Variants in ETS1 observed in about 807,000 individuals in gnomAD.
The protein encoded by ETS1 is ETS proto-oncogene 1, transcription factor.
ETS1 carries 15 observed loss-of-function variants against 58.6 expected under a neutral mutation model. That is an observed-to-expected ratio of 0.26 (90% CI 0.17 to 0.39). ETS1 has a LOEUF of 0.39. Ranked by LOEUF, ETS1 falls within the 10% of genes least tolerant of loss-of-function variation. The probability of loss-of-function intolerance (pLI) is 1.00; values close to 1 mark genes in which losing one functional copy is unlikely to be tolerated. For synonymous variants in ETS1, 214 were observed against 218.2 expected (o/e 0.98, Z 0.17); for missense variants, 417 against 610.5 (o/e 0.68, Z 3.34).
intron 2 of ETS1, among the ~76,000 whole-genome samples, chr11:128,572,739 C>A (rs4936058): frequency 0.88 from 133,751 of 152,272 alleles, 59,031 homozygotes; most frequent in African/African-American, 0.96. Flanking sequence ...AATAAGGTAC[C>A]TCAATATGTA....
intron 5 of ETS1, among the ~76,000 whole-genome samples, chr11:128,488,969 G>A (rs1449899145): frequency 1.3e-5 from 2 of 152,190 alleles, no homozygotes; most frequent in Non-Finnish European, 2.9e-5. Flanking sequence ...TCTTGGGTTG[G>A]CTGTGGGCAC....
intron 3 of ETS1, among the ~76,000 whole-genome samples, chr11:128,541,850 T>G (rs377545485): frequency 3.9e-5 from 6 of 152,298 alleles, no homozygotes; most frequent in East Asian, 3.9e-4. Context: ...GGTGCAATGA[T>G]CTCTACAATA....
chr11:128,570,889 T>A (rs2135577591), intron 2 of ETS1, among the ~76,000 whole-genome samples: 1 of 152,338 alleles, frequency 6.6e-6, no homozygotes, highest in Admixed American at 6.5e-5. Context: ...ACTTGTCGTG[T>A]AGTGGAGTGT....
chr11:128,585,011 G>GGAAA (rs200307200), intron 1 of ETS1, among the ~76,000 whole-genome samples: 400 of 19,876 alleles, frequency 0.02, 100 homozygotes, highest in African/African-American at 0.14. Flanking sequence ...AGGAAAGAAA[G>GGAAA]GAAAGAAAGA....
At chr11:128,467,540 C>T (rs11221318) in intron 8 of ETS1, among the ~76,000 whole-genome samples, 52,996 of 151,994 alleles carry the variant, frequency 0.35, 10,337 homozygotes, top group Admixed American at 0.52. Context: ...CCTCCATTCC[C>T]CCTGCAACTC....
chr11:128,539,027 C>T (rs1382839425), intron 3 of ETS1, among the ~76,000 whole-genome samples: 1 of 152,138 alleles, frequency 6.6e-6, no homozygotes, highest in African/African-American at 2.4e-5. Context: ...AGAAACTAGA[C>T]CTTTGTGCAT....
chr11:128,552,526 G>GC (rs1426576289), intron 3 of ETS1, among the ~76,000 whole-genome samples: 9 of 152,296 alleles, frequency 5.9e-5, no homozygotes, highest in African/African-American at 1.9e-4. Context: ...AGTGTACTTT[G>GC]CTCACAACAT....
chr11:128,574,504 AG>A (rs550372891), intron 1 of ETS1, among the ~76,000 whole-genome samples: 68 of 152,326 alleles, frequency 4.5e-4, no homozygotes, highest in African/African-American at 1.5e-3. Flanking sequence ...TGGTAGGAAA[AG>A]CTCAAAGTAC....
At chr11:128,478,248 G>C (rs2135436342) in intron 8 of ETS1, among the ~76,000 whole-genome samples, 1 of 147,588 alleles carries the variant, frequency 6.8e-6, no homozygotes, top group South Asian at 2.3e-4. Flanking sequence ...TGAAGAAAGA[G>C]AGAGAGAAAA....
At chr11:128,568,868 T>C (rs1479537950) in intron 2 of ETS1, among the ~76,000 whole-genome samples, 3 of 152,234 alleles carry the variant, frequency 2.0e-5, no homozygotes, top group Non-Finnish European at 2.9e-5. Context: ...GAAGAGATTG[T>C]TTCTTGGCCA....
chr11:128,509,308 T>C (rs1591629611), intron 3 of ETS1, among the ~76,000 whole-genome samples: 1 of 152,230 alleles, frequency 6.6e-6, no homozygotes, highest in Non-Finnish European at 1.5e-5. Context: ...GTGTGTGTGT[T>C]TACTTTTCTA....
At chr11:128,485,917 A>C in intron 6 of ETS1, 152 bp downstream of exon 6, 1 of 597,098 alleles carries the variant, frequency 1.7e-6, no homozygotes, top group East Asian at 2.8e-5. Context: ...GCTTTGTGGA[A>C]AATAATAAAA....
intron 3 of ETS1, among the ~76,000 whole-genome samples, chr11:128,538,619 A>C (rs1428181032): frequency 6.6e-6 from 1 of 152,222 alleles, no homozygotes; most frequent in Non-Finnish European, 1.5e-5. Flanking sequence ...AAATGGAGTT[A>C]ATAATTCACA....
intron 1 of ETS1, among the ~76,000 whole-genome samples, chr11:128,580,207 T>C (rs995011647): frequency 6.8e-6 from 1 of 147,242 alleles, no homozygotes; most frequent in Admixed American, 6.8e-5. Context: ...AAAAAATCCC[T>C]GTGATGAAGT....
chr11:128,560,948 A>T (rs1291306239), intron 2 of ETS1, among the ~76,000 whole-genome samples: 1 of 152,170 alleles, frequency 6.6e-6, no homozygotes, highest in Non-Finnish European at 1.5e-5. Context: ...GAAACATTTG[A>T]TGAAGGGCCA....
chr11:128,559,375 G>A (rs184110398), intron 2 of ETS1, among the ~76,000 whole-genome samples: 1 of 152,214 alleles, frequency 6.6e-6, no homozygotes, highest in Admixed American at 6.5e-5. Context: ...CCATATTGTA[G>A]GTCAACTCAC....
At chr11:128,585,193 G>GAAAGAAAGAAA (rs1565422016) in intron 1 of ETS1, among the ~76,000 whole-genome samples, 5 of 15,688 alleles carry the variant, frequency 3.2e-4, no homozygotes, top group South Asian at 3.5e-3. Flanking sequence ...AAAGAAGGAA[G>GAAAGAAAGAAA]GAAAGAAAGA....
chr11:128,576,500 C>T (rs577515231), intron 1 of ETS1, among the ~76,000 whole-genome samples: 2 of 152,210 alleles, frequency 1.3e-5, no homozygotes, highest in East Asian at 1.9e-4. Flanking sequence ...TGAAGATTTA[C>T]TCCCCAGCGA....
chr11:128,570,238 C>CTTTTTTTTTTTTTTTTTTTTTTTTTCT (rs200310590), intron 2 of ETS1, among the ~76,000 whole-genome samples: 1 of 135,492 alleles, frequency 7.4e-6, no homozygotes. Context: ...TTTTCTTTTC[C>CTTTTTTTTTTTTTTTTTTTTTTTTTCT]TTTTTTTTTT....
Sources: allele counts gnomAD v4.1 joint callset (sites outside exome capture counted in the v4.1 genomes callset), GRCh38; gene constraint gnomAD v4.1.1; transcripts MANE v1.5; gene names NCBI Gene and HGNC (gene_info 2026-07-23, HGNC 2026-07-21).